The following UGT1A7 variants were observed in gnomAD, a reference collection of about 807,000 sequenced individuals.
UGT1A7 encodes UDP-glucuronosyltransferase 1A7.
UGT1A7 carries 33 observed loss-of-function variants against 45.6 expected under a neutral mutation model. The observed-to-expected ratio is 0.72, with a 90% confidence interval of 0.55 to 0.97. The LOEUF (loss-of-function observed/expected upper bound fraction) is 0.97. Among genes scored for constraint, UGT1A7 ranks in the 50% least tolerant of loss-of-function variants. The pLI is 0.00. For missense variants in UGT1A7, 684 were observed against 666.2 expected, an observed-to-expected ratio of 1.03 and a Z score of -0.29; for synonymous variants, 274 against 250.6, an observed-to-expected ratio of 1.09 and a Z score of -0.88.
At position 233,769,709 on chromosome 2, in the gene UGT1A7, G is replaced by T. The variant is rs1309329692; in HGVS notation, c.1295+1270G>T. The T allele has an allele frequency of 6.6e-7, 1 of 1,509,378 alleles. No individual in the cohort carries two copies. Among genetic ancestry groups the T allele is most frequent in the South Asian group, 1.3e-5 (1 of 76,432 alleles). The allele number at this position is 1,509,378 out of a possible 1,614,324, so 93.5% of individuals were successfully genotyped here. On this transcript the variant is annotated intron_variant, in intron 4 of 4. Coordinates refer to ENST00000373426, the MANE Select transcript of UGT1A7 (RefSeq NM_019077.3). The surrounding 1 kb of genome is among the most constrained non-coding windows in gnomAD (Gnocchi z 4.4). Reference sequence around the variant, plus strand: ...GGCACTGGATAAAAGATCAATGTTGGCTAGGCACCATGGCACACGCCTGTA... The same window carrying T: ...GGCACTGGATAAAAGATCAATGTTGTCTAGGCACCATGGCACACGCCTGTA...
chr2:233,756,134 A>G (rs1696129657), intron 1 of UGT1A7: 1 of 152,248 alleles, frequency 6.6e-6, no homozygotes, highest in African/African-American at 2.4e-5. Flanking sequence ...TTCTCCTGAA[A>G]AATTACTGGG....
intron 1 of UGT1A7, among the ~76,000 whole-genome samples, chr2:233,696,390 C>T (rs529082756): frequency 2.6e-5 from 4 of 152,010 alleles, no homozygotes; most frequent in African/African-American, 7.2e-5. Context: ...ATTCTTTGTA[C>T]GTTTTGTAAA....
intron 1 of UGT1A7, among the ~76,000 whole-genome samples, chr2:233,705,549 T>C (rs966498123): frequency 3.9e-5 from 6 of 152,104 alleles, no homozygotes; most frequent in Non-Finnish European, 8.8e-5. Flanking sequence ...GAGCAGCTGG[T>C]GATATTGCTT....
intron 1 of UGT1A7, chr2:233,718,669 AT>A (rs2076674344): frequency 6.5e-7 from 1 of 1,549,232 alleles, no homozygotes; most frequent in East Asian, 2.4e-5. Context: ...TTATAGATTA[AT>A]GGGTAATAAG....
At chr2:233,725,317 C>CAGAG (rs1559370683) in intron 1 of UGT1A7, among the ~76,000 whole-genome samples, 1 of 37,458 alleles carries the variant, frequency 2.7e-5, no homozygotes. Context: ...GAGGCAGAGG[C>CAGAG]GCCTGGTCAA....
At chr2:233,735,393 C>T (rs948009314) in intron 1 of UGT1A7, among the ~76,000 whole-genome samples, 32 of 152,066 alleles carry the variant, frequency 2.1e-4, no homozygotes, top group Non-Finnish European at 3.5e-4. Flanking sequence ...TTATTTTGAG[C>T]CTATGTGTGT....
intron 1 of UGT1A7, chr2:233,693,536 C>A: frequency 6.2e-7 from 1 of 1,614,160 alleles, no homozygotes; most frequent in Admixed American, 1.7e-5. Flanking sequence ...TCCGTGTTCC[C>A]TGGAGCATAC....
chr2:233,691,443 T>A, intron 1 of UGT1A7: 1 of 985,598 alleles, frequency 1.0e-6, no homozygotes, highest in Non-Finnish European at 1.2e-6. Flanking sequence ...AGGCTTCTTC[T>A]CCCTTCCTGG....
At chr2:233,723,922 G>A (rs1482507868) in intron 1 of UGT1A7, among the ~76,000 whole-genome samples, 1 of 49,060 alleles carries the variant, frequency 2.0e-5, no homozygotes, top group Non-Finnish European at 3.5e-5. Flanking sequence ...AGTCTCCCAT[G>A]TCTACTTCTT....
intron 2 of UGT1A7, 66 bp from the exon 3 acceptor site, chr2:233,767,783 T>C: frequency 6.2e-7 from 1 of 1,613,658 alleles, no homozygotes. Context: ...CTAGTTAGTA[T>C]AGCAGATTTG....
chr2:233,706,457 A>G, intron 1 of UGT1A7, among the ~76,000 whole-genome samples: 1 of 152,222 alleles, frequency 6.6e-6, no homozygotes. Context: ...ATGACCATTG[A>G]GGTTTCACCA....
chr2:233,721,049 T>A (rs1041518517), intron 1 of UGT1A7, among the ~76,000 whole-genome samples: 1 of 152,122 alleles, frequency 6.6e-6, no homozygotes, highest in African/African-American at 2.4e-5. Flanking sequence ...GAGCCCTTTT[T>A]TGTCATATTC....
chr2:233,760,274 G>C (rs1697379637), intron 1 of UGT1A7: 1 of 1,612,450 alleles, frequency 6.2e-7, no homozygotes, highest in African/African-American at 1.3e-5. Context: ...ACCTCTGGCA[G>C]GAGCAAAGGC....
chr2:233,699,949 G>C (rs932857494), intron 1 of UGT1A7, among the ~76,000 whole-genome samples: 2 of 152,234 alleles, frequency 1.3e-5, no homozygotes, highest in East Asian at 1.9e-4. Context: ...GTTGTACAAT[G>C]TGTGAAAAAT....
At chr2:233,755,280 C>T in intron 1 of UGT1A7, 2 of 709,722 alleles carry the variant, frequency 2.8e-6, no homozygotes, top group Non-Finnish European at 2.2e-6. Context: ...GCTGGACTGC[C>T]AAAGAGCCTG....
chr2:233,702,722 A>G (rs2075703020), intron 1 of UGT1A7, among the ~76,000 whole-genome samples: 1 of 152,198 alleles, frequency 6.6e-6, no homozygotes, highest in Non-Finnish European at 1.5e-5. Flanking sequence ...ATTGAAATGA[A>G]CATGGTTTTC....
Position 233,772,755 on chromosome 2 carries a change from G to A in UGT1A7, c.*196G>A, listed in dbSNP as rs997044425. On this transcript the variant is annotated 3_prime_UTR_variant, in exon 5 of 5. Transcript: ENST00000373426. Reference sequence around the variant, plus strand: ...CTAGTCAGTAAAGATATTTGAATATGTATCGTGCCCCCTCTGGTGTCTTTG... The same window carrying A: ...CTAGTCAGTAAAGATATTTGAATATATATCGTGCCCCCTCTGGTGTCTTTG... 9 of 1,407,806 alleles carry A rather than the reference G, an allele frequency of 6.4e-6. No homozygotes were observed. The African/African-American group carries it at 1.3e-4, about 20-fold the overall frequency. The allele number at this position is 1,407,806 out of a possible 1,614,324, so 87.2% of individuals were successfully genotyped here.
chr2:233,724,346 CCCA>C (rs2077232466), intron 1 of UGT1A7, among the ~76,000 whole-genome samples: 1 of 148,186 alleles, frequency 6.7e-6, no homozygotes, highest in Non-Finnish European at 1.5e-5. Context: ...GCTGACCCCC[CCCA>C]CCTCCCTCCC....
At chr2:233,741,258 T>C (rs1466161832) in intron 1 of UGT1A7, among the ~76,000 whole-genome samples, 3 of 151,876 alleles carry the variant, frequency 2.0e-5, no homozygotes, top group African/African-American at 7.3e-5. Context: ...ATGCCACTCT[T>C]TGCTGACCAC....
Sources: allele counts gnomAD v4.1 joint callset (sites outside exome capture counted in the v4.1 genomes callset), GRCh38; gene constraint gnomAD v4.1.1; non-coding constraint Gnocchi (gnomAD v3.1); transcripts MANE v1.5; gene names NCBI Gene and HGNC (gene_info 2026-07-23, HGNC 2026-07-21).